DLGAP4: variants seen among roughly 807,000 people sequenced by gnomAD.
The protein encoded by DLGAP4 is DLG associated protein 4.
In DLGAP4, 18 loss-of-function variants were observed where a neutral mutation model predicts 86.9. That is an observed-to-expected ratio of 0.21 (90% confidence interval 0.14 to 0.31). DLGAP4 has a LOEUF of 0.31. Ranked by LOEUF, DLGAP4 falls within the 10% of genes least tolerant of loss-of-function variation. The pLI, the probability that DLGAP4 is intolerant of heterozygous loss-of-function variation, is 1.00. For synonymous variants in DLGAP4, 548 were observed against 574.3 expected (o/e 0.95, Z 0.65); for missense variants, 1,085 against 1,362.6 (o/e 0.80, Z 3.21).
At chr20:36,416,138 C>T (rs920003893) in intron 2 of DLGAP4, among the ~76,000 whole-genome samples, 1 of 151,996 alleles carries the variant, frequency 6.6e-6, no homozygotes, top group African/African-American at 2.4e-5. Flanking sequence ...CTTATTTATT[C>T]GGAGATGGAG....
At chr20:36,489,492 C>T (rs962921894) in intron 7 of DLGAP4, among the ~76,000 whole-genome samples, 17 of 151,996 alleles carry the variant, frequency 1.1e-4, no homozygotes, top group Admixed American at 7.2e-4. Flanking sequence ...TGTTTGGGTC[C>T]GAGGTAGATG....
Position 36,527,060 on chromosome 20 carries a change from A to AAATC in DLGAP4, c.*31_*34dup. On this transcript the variant is annotated 3_prime_UTR_variant, in exon 13 of 13. Coordinates refer to ENST00000339266, the MANE Select transcript of DLGAP4 (RefSeq NM_001365621.2). Reference sequence around the variant, plus strand: ...CATGCAGGAGGAAAGAAACGATTTTAAATCATTAAAAACACAAAAACTAAG... The same window carrying AAATC: ...CATGCAGGAGGAAAGAAACGATTTTAAATCAATCATTAAAAACACAAAAACTAAG... The AAATC allele has an allele frequency of 3.8e-6, 6 of 1,558,946 alleles. No individual in the cohort carries two copies. The highest frequency in any genetic ancestry group is 4.3e-6 in the Non-Finnish European group (5 of 1,151,614).
Position 36,308,314 on chromosome 20 carries a change from G to A in DLGAP4, c.-304+1802G>A, listed in dbSNP as rs58167676. Among the ~76,000 whole-genome samples the A allele has an allele frequency of 5.6e-3, 851 of 152,306 alleles. 7 individuals carry two copies. The highest frequency in any genetic ancestry group is 0.02 in the African/African-American group (820 of 41,568). ...GCGCTGGGGAGTGCAATGGCTGACA[G>A]GGTCCCCACCTCCAGGAGCCTCTTT... On this transcript the variant is annotated intron_variant, in intron 1 of 12. Coordinates refer to ENST00000339266, the MANE Select transcript of DLGAP4 (RefSeq NM_001365621.2). The surrounding 1 kb of genome is among the most constrained non-coding windows in gnomAD (Gnocchi z 4.5).
At chr20:36,513,569 A>AG (rs1465647535) in intron 10 of DLGAP4, among the ~76,000 whole-genome samples, 53 of 151,554 alleles carry the variant, frequency 3.5e-4, no homozygotes, top group African/African-American at 1.2e-3. Context: ...AAAAAAAAAA[A>AG]AAAAAAAAAA....
At chr20:36,316,147 C>A (rs2065097215) in intron 1 of DLGAP4, among the ~76,000 whole-genome samples, 1 of 152,220 alleles carries the variant, frequency 6.6e-6, no homozygotes, top group Non-Finnish European at 1.5e-5. Flanking sequence ...TTGGCAACAG[C>A]CTTCATGGCC....
chr20:36,442,962 T>C (rs1027109989), intron 6 of DLGAP4, among the ~76,000 whole-genome samples, 185 bp downstream of exon 6: 1 of 152,218 alleles, frequency 6.6e-6, no homozygotes, highest in African/African-American at 2.4e-5. Flanking sequence ...CTCCCTACCC[T>C]TATTGCTTCA....
At chr20:36,430,956 A>T (rs1381718542) in intron 2 of DLGAP4, among the ~76,000 whole-genome samples, 4 of 14,376 alleles carry the variant, frequency 2.8e-4, no homozygotes, top group Non-Finnish European at 3.6e-4. Flanking sequence ...CTCTGTCTCT[A>T]AAAAAAAAAA....
At chr20:36,473,186 C>G (rs2034751148) in intron 7 of DLGAP4, 1 of 152,238 alleles carries the variant, frequency 6.6e-6, no homozygotes, top group Non-Finnish European at 1.5e-5. Context: ...AGAGCCAGTG[C>G]CCTGTCTTTA....
chr20:36,376,491 TA>T (rs1323596864), intron 2 of DLGAP4, among the ~76,000 whole-genome samples: 1 of 151,934 alleles, frequency 6.6e-6, no homozygotes, highest in African/African-American at 2.4e-5. Context: ...TATAATTTTT[TA>T]AAAAAATAAA....
chr20:36,330,234 G>C (rs372530154), intron 1 of DLGAP4, among the ~76,000 whole-genome samples: 10 of 152,188 alleles, frequency 6.6e-5, no homozygotes, highest in East Asian at 3.9e-4. Context: ...TGAGGAGCCT[G>C]ATGGGCCAGG....
intron 2 of DLGAP4, among the ~76,000 whole-genome samples, chr20:36,377,558 C>T (rs1188134420): frequency 6.6e-6 from 1 of 152,222 alleles, no homozygotes; most frequent in Non-Finnish European, 1.5e-5. Context: ...GTGTCACTTC[C>T]ATCTGAGAGC....
chr20:36,528,219 A>AT lies in DLGAP4; in HGVS notation c.*1198dup, dbSNP rs141906314. On this transcript the variant is annotated 3_prime_UTR_variant, in exon 13 of 13. Transcript: ENST00000339266. ...GCCCAGCCTCTGAGTTTTCTGTTCT[A>AT]TTTTTTTTTTAACCCCAATTATCCT... The AT allele has an allele frequency of 9.7e-4, 128 of 131,942 alleles. No individual in the cohort carries two copies. Among genetic ancestry groups the AT allele is most frequent in the East Asian group, 8.5e-3 (38 of 4,494 alleles). The allele number at this position is 131,942 out of a possible 1,614,324, so 8.2% of individuals were successfully genotyped here. A position where few individuals can be genotyped will look rare whatever the true frequency, so the allele number is the denominator to read the frequency against.
intron 2 of DLGAP4, among the ~76,000 whole-genome samples, chr20:36,396,346 C>T (rs866554944): frequency 3.8e-4 from 1 of 2,614 alleles, no homozygotes; most frequent in Non-Finnish European, 7.1e-4. Flanking sequence ...CGCACACACA[C>T]ACACACATAC....
In DLGAP4 at chr20:36,429,406, T is replaced by C. The variant is rs558837016; in HGVS notation, c.-72-2240T>C. Reference sequence around the variant, plus strand: ...TTCCTGTTTCTTTTTTTCTTTTTTTTTTTTTTTTTTTTTTTTGAGACAGAG... The same window carrying C: ...TTCCTGTTTCTTTTTTTCTTTTTTTCTTTTTTTTTTTTTTTTGAGACAGAG... On this transcript the variant is annotated intron_variant, in intron 2 of 12. Coordinates refer to ENST00000339266, the MANE Select transcript of DLGAP4 (RefSeq NM_001365621.2). Among the ~76,000 whole-genome samples, 67 of 141,836 alleles carry C rather than the reference T, an allele frequency of 4.7e-4. 1 individual carries two copies. Among genetic ancestry groups the C allele is most frequent in the African/African-American group, 1.4e-3 (54 of 38,356 alleles). 93.0% of individuals were successfully genotyped at this position (141,836 alleles called of 152,430 possible). A position where few individuals can be genotyped will look rare whatever the true frequency, so the allele number is the denominator to read the frequency against.
chr20:36,376,425 T>C (rs2425225), intron 2 of DLGAP4, among the ~76,000 whole-genome samples: 99,049 of 151,916 alleles, frequency 0.65, 32,420 homozygotes, highest in South Asian at 0.82. Flanking sequence ...GAGCCAAGAT[T>C]GTGCCATTGC....
intron 2 of DLGAP4, among the ~76,000 whole-genome samples, chr20:36,411,463 G>A (rs1200776578): frequency 6.6e-6 from 1 of 152,060 alleles, no homozygotes; most frequent in Non-Finnish European, 1.5e-5. Context: ...CAGTCCATGG[G>A]GTGCTGGGTG....
At chr20:36,485,511 C>T (rs1364831864) in intron 7 of DLGAP4, among the ~76,000 whole-genome samples, 1 of 152,098 alleles carries the variant, frequency 6.6e-6, no homozygotes, top group Non-Finnish European at 1.5e-5. Context: ...GAACTGTGAC[C>T]CCCGTTCAGG....
In DLGAP4 at chr20:36,431,295, C is replaced by T. The variant is rs114739980; in HGVS notation, c.-72-351C>T. ...TCGGGGTGAGGGACAGAGTCAGAAA[C>T]GGAAAGAGAGTGGAGGATGGGCAGC... On this transcript the variant is annotated intron_variant, in intron 2 of 12. Transcript: ENST00000339266. This position sits in a 1 kb window ranked among gnomAD's most constrained non-coding sequence, Gnocchi z 5.1. Among the ~76,000 whole-genome samples, 3 of 151,914 alleles carry T rather than the reference C, an allele frequency of 2.0e-5. No individual in the cohort carries two copies. Among genetic ancestry groups the T allele is most frequent in the South Asian group, 2.1e-4 (1 of 4,818 alleles).
chr20:36,357,488 T>C (rs1004346949), intron 1 of DLGAP4, among the ~76,000 whole-genome samples: 3 of 152,176 alleles, frequency 2.0e-5, no homozygotes, highest in Admixed American at 1.3e-4. Flanking sequence ...GCAAAGCCAC[T>C]GTGAGGAATC....
Sources: gnomAD v4.1 joint callset for allele counts (sites outside exome capture counted in the v4.1 genomes callset) on GRCh38, gnomAD v4.1.1 for gene constraint, Gnocchi (gnomAD v3.1) non-coding constraint, MANE v1.5 for transcripts, NCBI Gene and HGNC (gene_info 2026-07-23, HGNC 2026-07-21) for gene names.